The following RIMS2 variants were observed in gnomAD, a reference collection of about 807,000 sequenced individuals.
The protein encoded by RIMS2 is regulating synaptic membrane exocytosis 2, also known as regulating synaptic membrane exocytosis protein 2.
In RIMS2, 59 loss-of-function variants were observed where a neutral mutation model predicts 174.4. The ratio of observed to expected loss-of-function variants is 0.34; its 90% CI spans 0.27 to 0.42. RIMS2 has a LOEUF of 0.42. Among genes scored for constraint, RIMS2 ranks in the 10% least tolerant of loss-of-function variants. The pLI, the probability that RIMS2 is intolerant of heterozygous loss-of-function variation, is 1.00. For synonymous variants in RIMS2, 606 were observed against 572.5 expected (o/e 1.06, Z -0.84); for missense variants, 1,620 against 1,666.3 (o/e 0.97, Z 0.48).
chr8:103,509,308 CT>C (rs1441289717), intron 1 of RIMS2, among the ~76,000 whole-genome samples: 3 of 152,160 alleles, frequency 2.0e-5, no homozygotes, highest in African/African-American at 7.2e-5. Flanking sequence ...GACTATCATC[CT>C]TTTACTGAAT....
chr8:103,807,099 G>T (rs73697668), intron 3 of RIMS2, among the ~76,000 whole-genome samples: 7,289 of 152,036 alleles, frequency 0.048, 578 homozygotes, highest in African/African-American at 0.16. Flanking sequence ...TCACCGGGAA[G>T]GGGGAGCTGT....
At chr8:103,999,590 A>G (rs946537329) in intron 17 of RIMS2, among the ~76,000 whole-genome samples, 2 of 151,752 alleles carry the variant, frequency 1.3e-5, no homozygotes, top group Admixed American at 1.3e-4. Context: ...ATAATTGGCT[A>G]AACTTAAAGG....
intron 2 of RIMS2, among the ~76,000 whole-genome samples, chr8:103,708,525 G>C (rs2097261870): frequency 6.6e-6 from 1 of 152,102 alleles, no homozygotes; most frequent in Admixed American, 6.6e-5. Flanking sequence ...TTTTTGTGTA[G>C]ATAGTTGTTC....
rs148217993 is a variant in RIMS2, at chr8:103,705,355, T to C, written c.387+8059T>C. ...TAAAATTTCACTATGACTTGTTTTCTGGCCTAAGATATGATCTGTTTTGGA... is the reference window on the plus strand; with the variant it reads ...TAAAATTTCACTATGACTTGTTTTCCGGCCTAAGATATGATCTGTTTTGGA... On this transcript the variant is annotated intron_variant, in intron 2 of 23. Transcript: ENST00000504942. Among the ~76,000 whole-genome samples, 200 of 152,232 alleles carry C rather than the reference T, an allele frequency of 1.3e-3. 1 individual carries two copies. Among genetic ancestry groups the C allele is most frequent in the African/African-American group, 4.4e-3 (181 of 41,586 alleles).
chr8:104,160,083 G>C (rs2134637280), intron 19 of RIMS2, among the ~76,000 whole-genome samples: 1 of 151,854 alleles, frequency 6.6e-6, no homozygotes, highest in South Asian at 2.1e-4. Context: ...AGGTTGCAGT[G>C]AGCTGAGATG....
intron 6 of RIMS2, among the ~76,000 whole-genome samples, chr8:103,912,959 C>CTT (rs763813911): frequency 8.8e-5 from 12 of 135,764 alleles, no homozygotes; most frequent in Admixed American, 5.9e-4. Context: ...CTCTAGCAAA[C>CTT]TTTTTTTGTT....
chr8:104,220,880 T>C (rs1220915994), intron 19 of RIMS2, among the ~76,000 whole-genome samples: 5 of 152,210 alleles, frequency 3.3e-5, no homozygotes, highest in Non-Finnish European at 7.3e-5. Context: ...GTGCTGGGAT[T>C]GCAGGCATGA....
chr8:103,650,224 T>C (rs539123845), intron 1 of RIMS2, among the ~76,000 whole-genome samples: 20 of 152,274 alleles, frequency 1.3e-4, no homozygotes, highest in African/African-American at 4.6e-4. Flanking sequence ...CTAGTTGCCT[T>C]CGTTTTTCTC....
chr8:103,698,221 C>T (rs1252175109), intron 2 of RIMS2, among the ~76,000 whole-genome samples: 1 of 152,042 alleles, frequency 6.6e-6, no homozygotes, highest in Non-Finnish European at 1.5e-5. Flanking sequence ...CCCTGGATTA[C>T]CTGATTATGA....
At chr8:103,685,116 T>G (rs79595202) in intron 1 of RIMS2, among the ~76,000 whole-genome samples, 1 of 151,610 alleles carries the variant, frequency 6.6e-6, no homozygotes, top group Non-Finnish European at 1.5e-5. Context: ...TTTTTTTTTT[T>G]GGATTTTCAA....
At chr8:104,211,092 C>T (rs2099103275) in intron 19 of RIMS2, among the ~76,000 whole-genome samples, 1 of 152,144 alleles carries the variant, frequency 6.6e-6, no homozygotes, top group Non-Finnish European at 1.5e-5. Flanking sequence ...ATTACATTAA[C>T]TCAACAAGAT....
At chr8:104,188,655 C>T (rs529169727) in intron 19 of RIMS2, among the ~76,000 whole-genome samples, 1 of 151,758 alleles carries the variant, frequency 6.6e-6, no homozygotes, top group South Asian at 2.1e-4. Flanking sequence ...GGAAATGGTT[C>T]ACAATATGTA....
At chr8:103,927,342 G>A (rs1019944298) in intron 10 of RIMS2, among the ~76,000 whole-genome samples, 2 of 151,374 alleles carry the variant, frequency 1.3e-5, no homozygotes, top group East Asian at 1.9e-4. Flanking sequence ...AAGCCAACTT[G>A]GCTAATAGTT....
At chr8:104,038,343 T>A (rs1341344400) in intron 19 of RIMS2, among the ~76,000 whole-genome samples, 2 of 151,990 alleles carry the variant, frequency 1.3e-5, no homozygotes, top group Non-Finnish European at 2.9e-5. Flanking sequence ...ATTTTCTGTC[T>A]GAAACAAAGA....
At chr8:103,536,776 C>T (rs541523668) in intron 1 of RIMS2, among the ~76,000 whole-genome samples, 1 of 152,282 alleles carries the variant, frequency 6.6e-6, no homozygotes, top group East Asian at 1.9e-4. Context: ...CAATCACCTC[C>T]CACCAGGTCC....
chr8:104,064,820 G>A (rs1419824257), intron 19 of RIMS2, among the ~76,000 whole-genome samples: 1 of 151,908 alleles, frequency 6.6e-6, no homozygotes, highest in Non-Finnish European at 1.5e-5. Flanking sequence ...AAATTGGGTT[G>A]TCCCATTACC....
At chr8:103,577,236 AAAC>A (rs1588122770) in intron 1 of RIMS2, among the ~76,000 whole-genome samples, 1 of 152,206 alleles carries the variant, frequency 6.6e-6, no homozygotes, top group African/African-American at 2.4e-5. Flanking sequence ...AAGAAAAAAC[AAAC>A]AACCCCATCA....
intron 2 of RIMS2, among the ~76,000 whole-genome samples, chr8:103,730,927 T>TCA (rs1410160913): frequency 6.6e-6 from 1 of 152,190 alleles, no homozygotes; most frequent in Non-Finnish European, 1.5e-5. Context: ...TTTAATTGAC[T>TCA]CACAGTTCCA....
At chr8:104,032,372 T>G (rs1011300927) in intron 19 of RIMS2, among the ~76,000 whole-genome samples, 2 of 152,064 alleles carry the variant, frequency 1.3e-5, no homozygotes, top group Non-Finnish European at 2.9e-5. Flanking sequence ...CTCCCTTCCT[T>G]ATTTTTTTGT....
Sources: allele counts gnomAD v4.1 joint callset (sites outside exome capture counted in the v4.1 genomes callset), GRCh38; gene constraint gnomAD v4.1.1; transcripts MANE v1.5; gene names NCBI Gene and HGNC (gene_info 2026-07-23, HGNC 2026-07-21).